Variants in GRIN2B observed in about 807,000 individuals in gnomAD.
GRIN2B encodes the protein glutamate ionotropic receptor NMDA type subunit 2B.
GRIN2B carries 5 observed loss-of-function variants against 114.5 expected under a neutral mutation model. The ratio of observed to expected loss-of-function variants is 0.04; its 90% CI spans 0.02 to 0.09. GRIN2B has a LOEUF of 0.09. GRIN2B is among the 10% of genes least tolerant of loss of function. The probability of loss-of-function intolerance (pLI) is 1.00; values close to 1 mark genes in which losing one functional copy is unlikely to be tolerated. For synonymous variants in GRIN2B, 787 were observed against 745.1 expected, an observed-to-expected ratio of 1.06 and a Z score of -0.92; for missense variants, 1,108 against 1,943.5, an observed-to-expected ratio of 0.57 and a Z score of 8.08.
Position 13,538,504 on chromosome 12 carries a change from G to C in GRIN2B, c.*24279C>G, listed in dbSNP as rs760278477. 6.6e-6 allele frequency: 1 copy of C among 152,058 alleles called. No homozygotes were observed. The highest frequency in any genetic ancestry group is 2.4e-5 in the African/African-American group (1 of 41,394). The allele number at this position is 152,058 out of a possible 1,614,324, so 9.4% of individuals were successfully genotyped here. ...CCCACCATAATCCAGATAAATACTC[G>C]CAAGCTTCCTTATTTAAAACTAGAG... On this transcript the variant is annotated 3_prime_UTR_variant, in exon 14 of 14. Transcript: ENST00000609686.
At position 13,663,076 on chromosome 12, in the gene GRIN2B, C is replaced by T. The variant is rs182068957; in HGVS notation, c.1125+12669G>A. The stretch of plus-strand genomic sequence containing the variant: ...GAATCTGTACTTCTAGTAGGTTCCC[C>T]GGTGATGCTAATGCTGTTGGTCCAG... On this transcript the variant is annotated intron_variant, in intron 5 of 13. Coordinates refer to ENST00000609686, the MANE Select transcript of GRIN2B (RefSeq NM_000834.5). 5.7e-4 allele frequency among the ~76,000 whole-genome samples: 86 copies of T among 152,204 alleles called. No individual in the cohort carries two copies. The East Asian group carries it at 0.013, about 24-fold the overall frequency.
intron 3 of GRIN2B, among the ~76,000 whole-genome samples, chr12:13,865,595 G>T (rs566949421): frequency 2.0e-5 from 3 of 152,246 alleles, no homozygotes; most frequent in African/African-American, 7.2e-5. Context: ...TGGCATCATT[G>T]CACTCCAGCC....
chr12:13,872,474 T>C (rs1472332999), intron 2 of GRIN2B, among the ~76,000 whole-genome samples: 1 of 147,996 alleles, frequency 6.8e-6, no homozygotes, highest in Non-Finnish European at 1.5e-5. Flanking sequence ...AAAAAAATAG[T>C]GCTAACTAAA....
intron 4 of GRIN2B, among the ~76,000 whole-genome samples, chr12:13,711,859 C>T (rs915614350): frequency 1.2e-3 from 181 of 152,170 alleles, no homozygotes; most frequent in Admixed American, 2.0e-3. Flanking sequence ...ACCATTTGAC[C>T]CAGCAATCCC....
chr12:13,976,986 G>C (rs1591650294), intron 2 of GRIN2B, among the ~76,000 whole-genome samples: 1 of 152,166 alleles, frequency 6.6e-6, no homozygotes, highest in Non-Finnish European at 1.5e-5. Flanking sequence ...TGTACATGAA[G>C]GTCAGGGAAG....
chr12:13,698,962 C>T (rs1591683275), intron 4 of GRIN2B, among the ~76,000 whole-genome samples: 2 of 152,126 alleles, frequency 1.3e-5, no homozygotes, highest in Admixed American at 6.5e-5. Flanking sequence ...GCATTACAGG[C>T]GTGAGCCACC....
At chr12:13,915,354 G>A (rs144640518) in intron 2 of GRIN2B, among the ~76,000 whole-genome samples, 3 of 152,188 alleles carry the variant, frequency 2.0e-5, no homozygotes, top group East Asian at 3.9e-4. Context: ...GCTATGTTTC[G>A]AACCTGCTAG....
chr12:13,752,093 G>A (rs779002752), intron 4 of GRIN2B, among the ~76,000 whole-genome samples: 3 of 152,184 alleles, frequency 2.0e-5, no homozygotes, highest in South Asian at 2.1e-4. Flanking sequence ...CTGAATTGAA[G>A]CTGTACTCTA....
rs1014998874 is a variant in GRIN2B at position 13,959,388 on chromosome 12, A to G, written c.-19+20540T>C. 2.4e-4 allele frequency among the ~76,000 whole-genome samples: 37 copies of G among 152,266 alleles called. 1 individual carries two copies. In the South Asian group the frequency reaches 2.5e-3, roughly 10 times the overall value. On this transcript the variant is annotated intron_variant, in intron 2 of 13. Transcript: ENST00000609686. ...CAGGCTGCAGAGGGCTTCCTGGGGA[A>G]TTTCCTTTTGCTAATAAGCAGTAAT...
At chr12:13,583,051 A>G (rs940625708) in intron 10 of GRIN2B, among the ~76,000 whole-genome samples, 1 of 152,220 alleles carries the variant, frequency 6.6e-6, no homozygotes, top group Admixed American at 6.5e-5. Flanking sequence ...TATATTAACT[A>G]TATTAACTTT....
intron 5 of GRIN2B, among the ~76,000 whole-genome samples, chr12:13,620,952 T>G (rs201019787): frequency 1.6e-5 from 1 of 61,688 alleles, no homozygotes; most frequent in South Asian, 8.2e-4. Flanking sequence ...GAAACTTTTT[T>G]GAAAAAAAAA....
chr12:13,657,064 T>C (rs568964915), intron 5 of GRIN2B, among the ~76,000 whole-genome samples: 1 of 152,242 alleles, frequency 6.6e-6, no homozygotes, highest in South Asian at 2.1e-4. Flanking sequence ...CAGCATGGGA[T>C]TGCCAGAGTA....
At chr12:13,967,589 A>G (rs1198545528) in intron 2 of GRIN2B, among the ~76,000 whole-genome samples, 1 of 152,268 alleles carries the variant, frequency 6.6e-6, no homozygotes, top group Non-Finnish European at 1.5e-5. Flanking sequence ...AGTAGCAGCC[A>G]TCCATTAAAC....
At position 13,540,077 on chromosome 12, in the gene GRIN2B, A is replaced by G. The variant is rs1458057513; in HGVS notation, c.*22706T>C. The stretch of plus-strand genomic sequence containing the variant: ...GGCTCCAGCACCAGCTATAGTAGAA[A>G]CAGATCCCAACCCAAGTAGATTCGC... On this transcript the variant is annotated 3_prime_UTR_variant, in exon 14 of 14. Transcript: ENST00000609686. The G allele has an allele frequency of 3.3e-5, 5 of 152,228 alleles. No individual in the cohort carries two copies. The highest frequency in any genetic ancestry group is 5.9e-5 in the Non-Finnish European group (4 of 68,040). The allele number at this position is 152,228 out of a possible 1,614,324, so 9.4% of individuals were successfully genotyped here.
At chr12:13,751,207 T>C (rs1591711144) in intron 4 of GRIN2B, among the ~76,000 whole-genome samples, 1 of 152,106 alleles carries the variant, frequency 6.6e-6, no homozygotes, top group Non-Finnish European at 1.5e-5. Context: ...TGAGAGAATT[T>C]TGGAAAGACA....
chr12:13,887,294 C>CA (rs1278565332), intron 2 of GRIN2B, among the ~76,000 whole-genome samples: 10 of 152,056 alleles, frequency 6.6e-5, no homozygotes, highest in Non-Finnish European at 1.0e-4. Context: ...CAGGCAAGTA[C>CA]AATCATATAA....
chr12:13,819,867 G>C (rs1391904464), intron 3 of GRIN2B, among the ~76,000 whole-genome samples: 1 of 152,140 alleles, frequency 6.6e-6, no homozygotes, highest in East Asian at 1.9e-4. Context: ...ATGAAATCCA[G>C]AAGGTCCAGG....
chr12:13,811,013 A>C (rs1310031060), intron 3 of GRIN2B, among the ~76,000 whole-genome samples: 1 of 152,262 alleles, frequency 6.6e-6, no homozygotes, highest in African/African-American at 2.4e-5. Context: ...TGTCACATTG[A>C]GAAAGATTAA....
At chr12:13,864,131 C>A (rs969445138) in intron 3 of GRIN2B, among the ~76,000 whole-genome samples, 2 of 152,202 alleles carry the variant, frequency 1.3e-5, no homozygotes, top group Non-Finnish European at 2.9e-5. Flanking sequence ...TTTCTAACAT[C>A]TGTACCTGCA....
Sources: allele counts gnomAD v4.1 joint callset (sites outside exome capture counted in the v4.1 genomes callset), GRCh38; gene constraint gnomAD v4.1.1; transcripts MANE v1.5; gene names NCBI Gene and HGNC (gene_info 2026-07-23, HGNC 2026-07-21).